The following GEMIN8 variants were observed in gnomAD, a reference collection of about 807,000 sequenced individuals.
The protein encoded by GEMIN8 is gem nuclear organelle associated protein 8.
For missense variants in GEMIN8, 185 were observed against 205.9 expected (o/e 0.90, Z 0.62); for synonymous variants, 80 against 78.5 (o/e 1.02, Z -0.10).
chrX:14,020,018 A>G (rs1924194563), intron 4 of GEMIN8, 60 bp downstream of exon 4: 3 of 662,171 alleles, frequency 4.5e-6, no homozygotes, highest in South Asian at 2.9e-5. Context: ...TATTAGAGAA[A>G]AAAAATGTAA....
In GEMIN8 at chrX:14,021,525, AT is replaced by A. The variant is rs1569366910; in HGVS notation, c.-33-15del. The stretch of plus-strand genomic sequence containing the variant: ...TGGGTGCTGAAACTAGGAAAGAAGA[AT>A]CACAGTGCAAACGTCTGATCAGTAT... On this transcript the variant is annotated splice_polypyrimidine_tract_variant and intron_variant, in intron 2 of 4. Transcript: ENST00000680255. 1 of 1,131,062 alleles carries A rather than the reference AT, an allele frequency of 8.8e-7. No homozygotes were observed. Among genetic ancestry groups the A allele is most frequent in the Non-Finnish European group, 1.2e-6 (1 of 824,536 alleles). 93.2% of individuals were successfully genotyped at this position (1,131,062 alleles called of 1,213,427 possible).
At chrX:13,989,032 G>GT in the GEMIN8 span, among the ~76,000 whole-genome samples, 2 of 110,086 alleles carry the variant, frequency 1.8e-5, no homozygotes, top group Non-Finnish European at 3.8e-5. Context: ...AATTGTTATA[G>GT]TTTGAGTAAG....
the GEMIN8 span, among the ~76,000 whole-genome samples, chrX:13,992,948 C>T: frequency 9.0e-6 from 1 of 110,993 alleles, no homozygotes; most frequent in South Asian, 3.8e-4. Flanking sequence ...TGGGGAGATC[C>T]AGCAGGCTTT....
chrX:14,024,376 G>A (rs1924556994), intron 2 of GEMIN8, among the ~76,000 whole-genome samples: 1 of 111,783 alleles, frequency 8.9e-6, no homozygotes, highest in Non-Finnish European at 1.9e-5. Flanking sequence ...GCGCACATCT[G>A]TAATCCCAGC....
chrX:13,991,264 T>G, the GEMIN8 span, among the ~76,000 whole-genome samples: 1 of 111,858 alleles, frequency 8.9e-6, no homozygotes, highest in Admixed American at 9.5e-5. Flanking sequence ...TGGGATGGAG[T>G]GATTTTCCTG....
chrX:13,986,008 TCTG>T, the GEMIN8 span, among the ~76,000 whole-genome samples: 1 of 111,998 alleles, frequency 8.9e-6, no homozygotes, highest in Non-Finnish European at 1.9e-5. Flanking sequence ...TATGAGATTC[TCTG>T]CTATTTGTGT....
the GEMIN8 span, among the ~76,000 whole-genome samples, chrX:13,998,371 G>C: frequency 9.1e-6 from 1 of 110,194 alleles, no homozygotes; most frequent in South Asian, 3.9e-4. Context: ...CATGGGGGCA[G>C]TTTCCTCCTT....
chrX:14,026,329 G>A (rs1488793672), intron 1 of GEMIN8, 108 bp from the exon 2 acceptor site: 9 of 745,677 alleles, frequency 1.2e-5, no homozygotes, highest in Non-Finnish European at 1.4e-5. Context: ...CCACCCAGCT[G>A]AGCCCAGGCG....
At chrX:14,028,394 A>C (rs1211249720) in intron 1 of GEMIN8, among the ~76,000 whole-genome samples, 3 of 112,424 alleles carry the variant, frequency 2.7e-5, no homozygotes, top group Non-Finnish European at 5.6e-5. Flanking sequence ...CTTTTCAGGA[A>C]GCAAATATTT....
chrX:13,994,194 C>A, the GEMIN8 span, among the ~76,000 whole-genome samples: 1 of 112,107 alleles, frequency 8.9e-6, no homozygotes, highest in Non-Finnish European at 1.9e-5. Context: ...CTCTAACATG[C>A]AGCCAGGTCT....
chrX:14,001,544 CAG>C, the GEMIN8 span, among the ~76,000 whole-genome samples: 2 of 111,185 alleles, frequency 1.8e-5, no homozygotes, highest in South Asian at 3.8e-4. Context: ...TCCCCTGAGA[CAG>C]AGTCTCACTC....
the GEMIN8 span, among the ~76,000 whole-genome samples, chrX:14,001,053 G>C: frequency 0.29 from 32,097 of 111,039 alleles, 3,424 homozygotes; most frequent in South Asian, 0.31. Flanking sequence ...GTACTGTAAA[G>C]CTCTTTCCTT....
the GEMIN8 span, among the ~76,000 whole-genome samples, chrX:13,991,999 C>T: frequency 8.9e-6 from 1 of 112,083 alleles, no homozygotes; most frequent in African/African-American, 3.2e-5. Flanking sequence ...ATGTCAGTGG[C>T]TTGAAACAGC....
At chrX:13,995,011 A>G in the GEMIN8 span, among the ~76,000 whole-genome samples, 15 of 112,149 alleles carry the variant, frequency 1.3e-4, no homozygotes, top group Non-Finnish European at 2.4e-4. Flanking sequence ...TGGATCAGTC[A>G]GAGTCCCAAA....
chrX:13,997,019 G>T, the GEMIN8 span, among the ~76,000 whole-genome samples: 3 of 97,365 alleles, frequency 3.1e-5, no homozygotes, highest in African/African-American at 1.2e-4. Flanking sequence ...TCAGCTCACT[G>T]CAACCTCCAC....
intron 3 of GEMIN8, among the ~76,000 whole-genome samples, chrX:14,020,844 A>G (rs908728422): frequency 4.5e-5 from 5 of 111,171 alleles, no homozygotes; most frequent in African/African-American, 1.6e-4. Flanking sequence ...GCAGGGAGAG[A>G]GAAGACTGGA....
At chrX:14,001,578 T>A in the GEMIN8 span, among the ~76,000 whole-genome samples, 1 of 111,382 alleles carries the variant, frequency 9.0e-6, no homozygotes, top group Non-Finnish European at 1.9e-5. Flanking sequence ...TAGAGTGCAG[T>A]GGCGCAATCT....
the GEMIN8 span, among the ~76,000 whole-genome samples, chrX:13,996,642 A>C: frequency 8.9e-6 from 1 of 112,108 alleles, no homozygotes; most frequent in African/African-American, 3.2e-5. Flanking sequence ...TTGGCAAAGA[A>C]ATAGAATCTT....
the GEMIN8 span, among the ~76,000 whole-genome samples, chrX:13,987,156 G>C: frequency 9.0e-6 from 1 of 111,627 alleles, no homozygotes; most frequent in African/African-American, 3.3e-5. Context: ...CCCTTCCTCA[G>C]TCTTTGACAG....
Sources: gnomAD v4.1 joint callset for allele counts (sites outside exome capture counted in the v4.1 genomes callset) on GRCh38, gnomAD v4.1.1 for gene constraint, MANE v1.5 for transcripts, NCBI Gene and HGNC (gene_info 2026-07-23, HGNC 2026-07-21) for gene names.